Variants in PRIMA1 observed in about 807,000 individuals in gnomAD.
PRIMA1 encodes the protein proline rich membrane anchor 1.
In PRIMA1, 7 loss-of-function variants were observed where a neutral mutation model predicts 17.5. The ratio of observed to expected loss-of-function variants is 0.40; its 90% confidence interval spans 0.23 to 0.75. The LOEUF is 0.75. PRIMA1 is among the 30% of genes least tolerant of loss of function. PRIMA1 has a pLI of 0.37. For missense variants in PRIMA1, 200 were observed against 201.8 expected, an observed-to-expected ratio of 0.99 and a Z score of 0.05; for synonymous variants, 97 against 77.9, an observed-to-expected ratio of 1.25 and a Z score of -1.29.
At position 93,718,773 on chromosome 14, in the gene PRIMA1, G is replaced by A. The variant is rs896995376; in HGVS notation, c.*2671C>T. ...TTAGGAACACCTGAAACCTCTGGGA[G>A]ATCCTATGATCTGAGTTCCAAAGTT... On this transcript the variant is annotated 3_prime_UTR_variant, in exon 5 of 5. Coordinates refer to ENST00000393140, the MANE Select transcript of PRIMA1 (RefSeq NM_178013.4). 2 of 152,474 alleles carry A rather than the reference G, an allele frequency of 1.3e-5. No homozygotes were observed. Among genetic ancestry groups the A allele is most frequent in the African/African-American group, 2.4e-5 (1 of 41,378 alleles). The allele number at this position is 152,474 out of a possible 1,614,324, so 9.4% of individuals were successfully genotyped here.
Position 93,786,614 on chromosome 14 carries a change from A to G in PRIMA1, c.93+1012T>C, listed in dbSNP as rs184026651. ...CAAACCCCAAAATGCCATCAGGAGC[A>G]CATGAGGCTACAAATACCCCAGAGT... On this transcript the variant is annotated intron_variant, in intron 2 of 4. Coordinates refer to ENST00000393140, the MANE Select transcript of PRIMA1 (RefSeq NM_178013.4). Among the ~76,000 whole-genome samples the G allele has an allele frequency of 2.0e-5, 3 of 152,286 alleles. No individual in the cohort carries two copies. The East Asian group carries it at 5.8e-4, about 30-fold the overall frequency.
chr14:93,725,455 G>A (rs983944101), intron 4 of PRIMA1, among the ~76,000 whole-genome samples: 3 of 152,074 alleles, frequency 2.0e-5, no homozygotes, highest in African/African-American at 7.2e-5. Flanking sequence ...CTCCACCTCT[G>A]CACCCCCCCA....
intron 4 of PRIMA1, among the ~76,000 whole-genome samples, chr14:93,734,493 C>T (rs1322162058): frequency 6.6e-6 from 1 of 152,208 alleles, no homozygotes; most frequent in South Asian, 2.1e-4. Context: ...GTTCCCACGG[C>T]ACTAGTTTCC....
At chr14:93,732,971 G>T (rs1377158807) in intron 4 of PRIMA1, among the ~76,000 whole-genome samples, 1 of 152,110 alleles carries the variant, frequency 6.6e-6, no homozygotes, top group African/African-American at 2.4e-5. Flanking sequence ...AGGCACGGGG[G>T]TACCCAGCAC....
At chr14:93,745,531 G>A (rs1287517721) in intron 3 of PRIMA1, among the ~76,000 whole-genome samples, 1 of 152,214 alleles carries the variant, frequency 6.6e-6, no homozygotes, top group African/African-American at 2.4e-5. Context: ...CATCCAGCAG[G>A]GAGTGGGGCC....
chr14:93,776,861 C>T (rs911521393), intron 3 of PRIMA1, among the ~76,000 whole-genome samples: 1 of 152,234 alleles, frequency 6.6e-6, no homozygotes, highest in Admixed American at 6.5e-5. Context: ...TTACTTCTCT[C>T]CCTTTTTAAC....
intron 3 of PRIMA1, among the ~76,000 whole-genome samples, chr14:93,775,777 G>C (rs1375360889): frequency 6.6e-6 from 1 of 152,218 alleles, no homozygotes; most frequent in Non-Finnish European, 1.5e-5. Flanking sequence ...GACATTCCCT[G>C]CCCTCCTGGC....
rs188079368 is a variant in PRIMA1 at position 93,731,243 on chromosome 14, G to A, written c.359+5998C>T. On this transcript the variant is annotated intron_variant, in intron 4 of 4. Transcript: ENST00000393140. ...TATGTTGTATGTCTGTACTGCAAGG[G>A]TGCTGGCCTTGGTATCTTCCACAGT... Among the ~76,000 whole-genome samples, 427 of 152,356 alleles carry A rather than the reference G, an allele frequency of 2.8e-3. 3 individuals are homozygous for A. The highest frequency in any genetic ancestry group is 1.0e-2 in the African/African-American group (414 of 41,572).
intron 2 of PRIMA1, 138 bp downstream of exon 2, chr14:93,787,488 G>A: frequency 8.1e-7 from 1 of 1,242,110 alleles, no homozygotes. Context: ...GGGGACCGTA[G>A]CAGCTTTTCT....
chr14:93,750,198 T>A lies in PRIMA1; in HGVS notation c.230-12828A>T, dbSNP rs1332831308. ...GTGAGACTCCGTCTAAAAAAAAAAA[T>A]TTGCTGGGATAGTGAGACAAAAAAT... On this transcript the variant is annotated intron_variant, in intron 3 of 4. Transcript: ENST00000393140. Among the ~76,000 whole-genome samples the A allele has an allele frequency of 7.9e-5, 12 of 151,660 alleles. No homozygotes were observed. In the East Asian group the frequency reaches 1.2e-3, roughly 15 times the overall value.
chr14:93,723,875 T>A (rs1200763350), intron 4 of PRIMA1, among the ~76,000 whole-genome samples: 1 of 152,192 alleles, frequency 6.6e-6, no homozygotes, highest in African/African-American at 2.4e-5. Flanking sequence ...GCCAGACATC[T>A]ATCTTCCCAT....
At chr14:93,762,827 G>A (rs1884773075) in intron 3 of PRIMA1, among the ~76,000 whole-genome samples, 2 of 152,078 alleles carry the variant, frequency 1.3e-5, no homozygotes, top group African/African-American at 4.8e-5. Context: ...CTTGTCTCCT[G>A]TCCCTGCACC....
At chr14:93,749,711 G>A (rs554773741) in intron 3 of PRIMA1, among the ~76,000 whole-genome samples, 1 of 152,334 alleles carries the variant, frequency 6.6e-6, no homozygotes, top group African/African-American at 2.4e-5. Context: ...CCTAGTTGAT[G>A]CTCAATAGAT....
intron 3 of PRIMA1, among the ~76,000 whole-genome samples, chr14:93,763,033 C>T (rs1884780273): frequency 6.6e-6 from 1 of 152,192 alleles, no homozygotes; most frequent in Admixed American, 6.5e-5. Context: ...TGCATGCTTC[C>T]TTTTTCCCAT....
At position 93,733,159 on chromosome 14, in the gene PRIMA1, A is replaced by G. The variant is rs1276388941; in HGVS notation, c.359+4082T>C. Among the ~76,000 whole-genome samples, 3 of 152,194 alleles carry G rather than the reference A, an allele frequency of 2.0e-5. 1 individual carries two copies. The East Asian group carries it at 5.8e-4, about 29-fold the overall frequency. On this transcript the variant is annotated intron_variant, in intron 4 of 4. Coordinates refer to ENST00000393140, the MANE Select transcript of PRIMA1 (RefSeq NM_178013.4). ...TGGGGGCCACTGCTCGTGCTCATGCAAATTCAAGTAACACCCTCCCCGCCC... is the reference window on the plus strand; with the variant it reads ...TGGGGGCCACTGCTCGTGCTCATGCGAATTCAAGTAACACCCTCCCCGCCC...
chr14:93,757,762 A>C (rs75925781), intron 3 of PRIMA1, among the ~76,000 whole-genome samples: 3,022 of 152,180 alleles, frequency 0.02, 110 homozygotes, highest in African/African-American at 0.068. Context: ...AAACGGAGGG[A>C]AATATTTTAA....
At chr14:93,777,923 C>T (rs1402531708) in intron 3 of PRIMA1, among the ~76,000 whole-genome samples, 3 of 152,104 alleles carry the variant, frequency 2.0e-5, no homozygotes, top group Admixed American at 2.0e-4. Context: ...AGACTACGTG[C>T]CGTGGGGCCC....
At chr14:93,770,439 C>T (rs1885026222) in intron 3 of PRIMA1, among the ~76,000 whole-genome samples, 1 of 152,234 alleles carries the variant, frequency 6.6e-6, no homozygotes, top group Admixed American at 6.5e-5. Flanking sequence ...CAGGCAGCAG[C>T]CACGCTGGCT....
chr14:93,728,328 C>T (rs1056312134), intron 4 of PRIMA1, among the ~76,000 whole-genome samples: 5 of 152,108 alleles, frequency 3.3e-5, no homozygotes, highest in Admixed American at 6.5e-5. Flanking sequence ...AACCAGGCGT[C>T]GAGGGAGAGA....
Sources: gnomAD v4.1 joint callset for allele counts (sites outside exome capture counted in the v4.1 genomes callset) on GRCh38, gnomAD v4.1.1 for gene constraint, MANE v1.5 for transcripts, NCBI Gene and HGNC (gene_info 2026-07-23, HGNC 2026-07-21) for gene names.